The following CCSER1 variants were observed in gnomAD, a reference collection of about 807,000 sequenced individuals.
The protein encoded by CCSER1 is serine-rich coiled-coil domain-containing protein 1.
A neutral mutation model predicts 82.0 loss-of-function variants in CCSER1; 41 were observed. The ratio of observed to expected loss-of-function variants is 0.50; its 90% CI spans 0.39 to 0.65. The LOEUF (loss-of-function observed/expected upper bound fraction) is 0.65. Ranked by LOEUF, CCSER1 falls within the 30% of genes least tolerant of loss-of-function variation. The pLI is 0.00. For synonymous variants in CCSER1, 414 were observed against 383.9 expected, an observed-to-expected ratio of 1.08 and a Z score of -0.92; for missense variants, 1,119 against 1,064.2, an observed-to-expected ratio of 1.05 and a Z score of -0.72.
chr4:90,715,342 C>A (rs1248057847), intron 6 of CCSER1, among the ~76,000 whole-genome samples: 1 of 151,980 alleles, frequency 6.6e-6, no homozygotes. Flanking sequence ...TTTCTGATTT[C>A]TTCTGTGAGA....
intron 10 of CCSER1, among the ~76,000 whole-genome samples, chr4:91,265,712 T>C (rs1014077033): frequency 3.9e-5 from 6 of 152,196 alleles, no homozygotes; most frequent in Non-Finnish European, 8.8e-5. Flanking sequence ...AGTTCAATAT[T>C]AGGTAAAGAG....
intron 1 of CCSER1, among the ~76,000 whole-genome samples, chr4:90,168,806 G>C: frequency 8.4e-6 from 1 of 119,460 alleles, no homozygotes; most frequent in East Asian, 4.3e-4. Flanking sequence ...CATTATTTCT[G>C]AGGGCTCCAT....
intron 5 of CCSER1, among the ~76,000 whole-genome samples, chr4:90,538,760 ATTGTCTCC>A (rs1285775533): frequency 6.6e-6 from 1 of 152,028 alleles, no homozygotes; most frequent in Non-Finnish European, 1.5e-5. Context: ...AAATCTCTAG[ATTGTCTCC>A]ACGAGAGTTA....
At chr4:91,162,788 A>G (rs1334131678) in intron 10 of CCSER1, among the ~76,000 whole-genome samples, 1 of 151,994 alleles carries the variant, frequency 6.6e-6, no homozygotes, top group Non-Finnish European at 1.5e-5. Context: ...CCCCTTTATC[A>G]TTTTTTATTG....
chr4:90,391,481 TATATACAC>T lies in CCSER1; in HGVS notation c.1510-8553_1510-8546del, dbSNP rs1180318609. ...ATATATATATATATATATATATATA[TATATACAC>T]ACACACAGTGGGTAAATATATATAT... On this transcript the variant is annotated intron_variant, in intron 3 of 10. Coordinates refer to ENST00000509176, the MANE Select transcript of CCSER1 (RefSeq NM_001145065.2). Among the ~76,000 whole-genome samples the T allele has an allele frequency of 6.1e-3, 538 of 87,480 alleles. 2 individuals carry two copies. The highest frequency in any genetic ancestry group is 9.6e-3 in the African/African-American group (127 of 13,208). 57.4% of individuals were successfully genotyped at this position (87,480 alleles called of 152,430 possible).
intron 1 of CCSER1, among the ~76,000 whole-genome samples, chr4:90,228,105 C>G (rs1743598838): frequency 6.6e-6 from 1 of 152,236 alleles, no homozygotes; most frequent in Admixed American, 6.5e-5. Flanking sequence ...GAAGCTCCAA[C>G]TGGGTGGAGC....
At chr4:91,412,969 A>T (rs1042046962) in intron 10 of CCSER1, among the ~76,000 whole-genome samples, 5 of 152,102 alleles carry the variant, frequency 3.3e-5, no homozygotes, top group African/African-American at 1.2e-4. Flanking sequence ...AAAACAGATA[A>T]CTAAATGATA....
chr4:90,664,579 A>G (rs1310117881), intron 6 of CCSER1, among the ~76,000 whole-genome samples: 1 of 152,186 alleles, frequency 6.6e-6, no homozygotes, highest in African/African-American at 2.4e-5. Flanking sequence ...TAATTGACAA[A>G]TATCTATTTA....
Position 90,447,340 on chromosome 4 carries a change from G to GA in CCSER1, c.1604-20882dup, listed in dbSNP as rs554135180. ...AAAATTTACTTGTGGTCTTCCTGGG[G>GA]AAAAAAAAAAAAGAATGAAATTTAC... On this transcript the variant is annotated intron_variant, in intron 4 of 10. Transcript: ENST00000509176. Among the ~76,000 whole-genome samples the GA allele has an allele frequency of 3.3e-3, 469 of 142,802 alleles. 3 individuals carry two copies. The highest frequency in any genetic ancestry group is 7.7e-3 in the African/African-American group (304 of 39,664). 93.7% of individuals were successfully genotyped at this position (142,802 alleles called of 152,430 possible).
At chr4:91,018,691 A>AC (rs1249913839) in intron 9 of CCSER1, among the ~76,000 whole-genome samples, 1 of 151,940 alleles carries the variant, frequency 6.6e-6, no homozygotes, top group Non-Finnish European at 1.5e-5. Context: ...TAAATTCAAT[A>AC]CCAATGTTTC....
At chr4:90,503,205 C>A (rs1187387070) in intron 5 of CCSER1, among the ~76,000 whole-genome samples, 1 of 151,834 alleles carries the variant, frequency 6.6e-6, no homozygotes, top group Non-Finnish European at 1.5e-5. Flanking sequence ...TTGTTTTTTC[C>A]CAGAAGAAGG....
At chr4:90,948,552 C>A (rs1732535951) in intron 9 of CCSER1, among the ~76,000 whole-genome samples, 1 of 151,646 alleles carries the variant, frequency 6.6e-6, no homozygotes, top group African/African-American at 2.4e-5. Flanking sequence ...AATTTAAAAT[C>A]TTGTCAATAG....
chr4:90,425,187 A>G (rs1050412208), intron 4 of CCSER1, among the ~76,000 whole-genome samples: 5 of 152,140 alleles, frequency 3.3e-5, no homozygotes, highest in Admixed American at 3.3e-4. Context: ...AACCCACTCT[A>G]TAAAAACTTT....
intron 10 of CCSER1, among the ~76,000 whole-genome samples, chr4:91,152,504 T>C (rs957132818): frequency 3.3e-5 from 5 of 152,216 alleles, no homozygotes; most frequent in Non-Finnish European, 7.3e-5. Context: ...AATTGGAGCA[T>C]TCAGCCCATT....
chr4:90,567,988 T>C (rs776901623), intron 5 of CCSER1, among the ~76,000 whole-genome samples: 2 of 152,216 alleles, frequency 1.3e-5, no homozygotes, highest in African/African-American at 2.4e-5. Context: ...AATTTCCATG[T>C]ATTTGTGAAT....
intron 10 of CCSER1, among the ~76,000 whole-genome samples, chr4:91,566,029 T>C (rs1400930956): frequency 6.6e-6 from 1 of 152,128 alleles, no homozygotes; most frequent in Admixed American, 6.6e-5. Context: ...TGTGGGACTG[T>C]CATAGATAGC....
At chr4:90,916,194 C>A (rs918781643) in intron 8 of CCSER1, among the ~76,000 whole-genome samples, 6 of 152,078 alleles carry the variant, frequency 3.9e-5, no homozygotes, top group African/African-American at 1.2e-4. Flanking sequence ...CAAAAAAGAG[C>A]CCGCATTGCC....
At chr4:90,334,950 T>G (rs1740100362) in intron 3 of CCSER1, among the ~76,000 whole-genome samples, 1 of 152,124 alleles carries the variant, frequency 6.6e-6, no homozygotes, top group South Asian at 2.1e-4. Flanking sequence ...GTCTTGCACA[T>G]AGGGTAGTGT....
intron 10 of CCSER1, among the ~76,000 whole-genome samples, chr4:91,560,706 T>C (rs963732756): frequency 6.6e-6 from 1 of 151,388 alleles, no homozygotes; most frequent in Admixed American, 6.6e-5. Flanking sequence ...ATTGATTTCT[T>C]TATGGCAAAT....
Sources: allele counts gnomAD v4.1 joint callset (sites outside exome capture counted in the v4.1 genomes callset), GRCh38; gene constraint gnomAD v4.1.1; transcripts MANE v1.5; gene names NCBI Gene and HGNC (gene_info 2026-07-23, HGNC 2026-07-21).